Variants in DGKI observed in about 807,000 individuals in gnomAD.
DGKI encodes the protein diacylglycerol kinase iota.
DGKI carries 55 observed loss-of-function variants against 147.5 expected under a neutral mutation model. The ratio of observed to expected loss-of-function variants is 0.37; its 90% confidence interval spans 0.30 to 0.47. The LOEUF is 0.47. DGKI is among the 20% of genes least tolerant of loss of function. The pLI is 1.00. For synonymous variants in DGKI, 469 were observed against 477.1 expected (o/e 0.98, Z 0.22); for missense variants, 1,007 against 1,323.8 (o/e 0.76, Z 3.71).
chr7:137,469,695 T>C, intron 23 of DGKI, 76 bp from the exon 24 acceptor site: 9 of 1,394,840 alleles, frequency 6.5e-6, no homozygotes, highest in Non-Finnish European at 9.1e-6. Context: ...CATTCTGCCA[T>C]CCTTTCCTAC....
intron 1 of DGKI, among the ~76,000 whole-genome samples, chr7:137,789,526 T>C (rs1421379562): frequency 6.6e-6 from 1 of 151,896 alleles, no homozygotes; most frequent in Non-Finnish European, 1.5e-5. Context: ...TCCATATAAA[T>C]AACCTGGGTA....
At chr7:137,509,011 G>A (rs1007600991) in intron 21 of DGKI, among the ~76,000 whole-genome samples, 3 of 152,076 alleles carry the variant, frequency 2.0e-5, no homozygotes, top group Non-Finnish European at 4.4e-5. Context: ...AGGCAGGGGA[G>A]TAGAGAAAAG....
intron 2 of DGKI, among the ~76,000 whole-genome samples, chr7:137,680,147 C>A (rs887807205): frequency 6.6e-6 from 1 of 152,016 alleles, no homozygotes; most frequent in African/African-American, 2.4e-5. Flanking sequence ...GGAGATTCCC[C>A]TCATGCACAC....
intron 1 of DGKI, among the ~76,000 whole-genome samples, chr7:137,720,376 G>GC (rs1563165902): frequency 1.4e-5 from 2 of 145,152 alleles, no homozygotes; most frequent in South Asian, 4.4e-4. Flanking sequence ...TCCTGCCTCA[G>GC]CCCCCCGAGT....
At position 137,533,172 on chromosome 7, in the gene DGKI, C is replaced by G. The variant is rs556890471; in HGVS notation, c.2148-11206G>C. Among the ~76,000 whole-genome samples, 123 of 151,996 alleles carry G rather than the reference C, an allele frequency of 8.1e-4. 1 individual carries two copies. The highest frequency in any genetic ancestry group is 2.8e-3 in the African/African-American group (117 of 41,462). On this transcript the variant is annotated intron_variant, in intron 20 of 32. Coordinates refer to ENST00000614521, the MANE Select transcript of DGKI (RefSeq NM_001321708.2). ...AGCACGGTGGCATGCAACTGTTGTC[C>G]TAGCTACTCAGGAGGCTGAGGCGGG... is the stretch of plus-strand genomic sequence containing the variant.
At position 137,846,369 on chromosome 7, in the gene DGKI, G is replaced by A; in HGVS notation, c.401+93C>T. ...GAAGGAGAGGCGTGGAAACAGAGAG[G>A]TGCCCAACTCCGCGGAAGCGCCCCT... On this transcript the variant is annotated intron_variant, in intron 1 of 32. Transcript: ENST00000614521. The surrounding 1 kb of genome is among the most constrained non-coding windows in gnomAD (Gnocchi z 4.0). 1 of 799,114 alleles carries A rather than the reference G, an allele frequency of 1.3e-6. No individual in the cohort carries two copies. Among genetic ancestry groups the A allele is most frequent in the Non-Finnish European group, 1.9e-6 (1 of 537,704 alleles). 49.5% of individuals were successfully genotyped at this position (799,114 alleles called of 1,614,324 possible). A position where few individuals can be genotyped will look rare whatever the true frequency, so the allele number is the denominator to read the frequency against.
chr7:137,632,856 C>T (rs1821180816), intron 6 of DGKI, among the ~76,000 whole-genome samples: 1 of 148,222 alleles, frequency 6.7e-6, no homozygotes. Context: ...AAGACTCTGT[C>T]TCAAATAAAT....
At position 137,552,490 on chromosome 7, in the gene DGKI, G is replaced by A; in HGVS notation, c.2026C>T (p.Pro676Ser). 6 of 1,614,194 alleles carry A rather than the reference G, an allele frequency of 3.7e-6. No homozygotes were observed. The highest frequency in any genetic ancestry group is 5.1e-6 in the Non-Finnish European group (6 of 1,180,042). Residue 676 changes from proline (P) to serine (S), a missense_variant, in exon 20 of 33, where the codon CCC (proline) becomes TCC (serine). Pro to Ser is a moderately conservative substitution (Grantham distance 74, BLOSUM62 -1). Transcript: ENST00000614521. ...CAGGGCTCCCCATCCACTTGCATGG[G>A]GATGGATTTGTAAGTTAGAAGCATG... ...EVMLLTYKSI[P>S]MQVDGEPCRL... is the part of the protein sequence containing the mutation.
At chr7:137,474,220 C>G (rs113223707) in intron 23 of DGKI, among the ~76,000 whole-genome samples, 1,587 of 152,224 alleles carry the variant, frequency 0.01, 26 homozygotes, top group African/African-American at 0.036. Context: ...ATAAAATGTA[C>G]AAAAGCATCA....
chr7:137,739,677 T>C (rs80319964), intron 1 of DGKI, among the ~76,000 whole-genome samples: 1 of 152,240 alleles, frequency 6.6e-6, no homozygotes, highest in East Asian at 1.9e-4. Context: ...AGAGTAACTA[T>C]AAAAGGGTTT....
chr7:137,703,957 C>A (rs113819301), intron 1 of DGKI, among the ~76,000 whole-genome samples: 5,284 of 152,194 alleles, frequency 0.035, 294 homozygotes, highest in African/African-American at 0.12. Flanking sequence ...ACACCTGTAA[C>A]CCCAGCACTT....
intron 12 of DGKI, among the ~76,000 whole-genome samples, chr7:137,594,583 A>G (rs1021827797): frequency 1.3e-5 from 2 of 152,218 alleles, no homozygotes; most frequent in Non-Finnish European, 2.9e-5. Flanking sequence ...GCATTCTGCC[A>G]GCTTCTACAG....
At chr7:137,833,748 A>G (rs1401994370) in intron 1 of DGKI, among the ~76,000 whole-genome samples, 2 of 152,150 alleles carry the variant, frequency 1.3e-5, no homozygotes, top group African/African-American at 4.8e-5. Flanking sequence ...TTGCCCCAAG[A>G]TGCTATCAGG....
At chr7:137,775,684 T>C (rs371354876) in intron 1 of DGKI, among the ~76,000 whole-genome samples, 2 of 152,174 alleles carry the variant, frequency 1.3e-5, no homozygotes, top group Non-Finnish European at 2.9e-5. Flanking sequence ...CAGACAAAGA[T>C]GTAAGAGAAT....
intron 29 of DGKI, among the ~76,000 whole-genome samples, chr7:137,409,150 G>A (rs1186210223): frequency 2.6e-5 from 4 of 152,058 alleles, no homozygotes; most frequent in Non-Finnish European, 4.4e-5. Flanking sequence ...GTGAGGTGGT[G>A]GATATGCTAA....
intron 1 of DGKI, among the ~76,000 whole-genome samples, chr7:137,737,453 T>C (rs1371948747): frequency 6.6e-6 from 1 of 151,470 alleles, no homozygotes; most frequent in African/African-American, 2.4e-5. Context: ...CTTACTGTCA[T>C]AAAATACAAA....
intron 10 of DGKI, among the ~76,000 whole-genome samples, chr7:137,604,778 G>A (rs1022250734): frequency 2.0e-5 from 3 of 152,120 alleles, no homozygotes; most frequent in Admixed American, 2.0e-4. Context: ...AGAACGTGAG[G>A]GAGAGACAGT....
intron 17 of DGKI, 148 bp downstream of exon 17, chr7:137,577,074 T>A: frequency 3.0e-6 from 2 of 669,404 alleles, no homozygotes; most frequent in Non-Finnish European, 5.3e-6. Flanking sequence ...GCCTGACACA[T>A]AATAAGTGTA....
intron 19 of DGKI, among the ~76,000 whole-genome samples, chr7:137,562,628 G>A (rs1183095593): frequency 6.6e-6 from 1 of 152,142 alleles, no homozygotes; most frequent in Non-Finnish European, 1.5e-5. Flanking sequence ...CCAGAATGGA[G>A]GGGGGATCCT....
Sources: allele counts gnomAD v4.1 joint callset (sites outside exome capture counted in the v4.1 genomes callset), GRCh38; gene constraint gnomAD v4.1.1; non-coding constraint Gnocchi (gnomAD v3.1); transcripts MANE v1.5; gene names NCBI Gene and HGNC (gene_info 2026-07-23, HGNC 2026-07-21).